Variants in PHF20 observed in about 807,000 individuals in gnomAD.
PHF20 encodes PHD finger protein 20.
Under a neutral mutation model 113.5 loss-of-function variants are expected in PHF20, and 23 were observed. That is an observed-to-expected ratio of 0.20 (90% CI 0.15 to 0.29). The LOEUF is 0.29. Among genes scored for constraint, PHF20 ranks in the 10% least tolerant of loss-of-function variants. PHF20 has a pLI of 1.00. For synonymous variants in PHF20, 434 were observed against 457.3 expected, an observed-to-expected ratio of 0.95 and a Z score of 0.65; for missense variants, 943 against 1,219.6, an observed-to-expected ratio of 0.77 and a Z score of 3.38.
chr20:35,857,938 A>C (rs2042868968), intron 4 of PHF20, among the ~76,000 whole-genome samples: 1 of 152,210 alleles, frequency 6.6e-6, no homozygotes, highest in Non-Finnish European at 1.5e-5. Flanking sequence ...ATTAAATTAT[A>C]AAAGTGAAAA....
At chr20:35,785,657 T>G (rs574362019) in intron 1 of PHF20, among the ~76,000 whole-genome samples, 6 of 152,182 alleles carry the variant, frequency 3.9e-5, no homozygotes, top group African/African-American at 1.4e-4. Context: ...ATAAATATCT[T>G]AGGTATTTAA....
chr20:35,824,895 C>A (rs766761962), intron 2 of PHF20, among the ~76,000 whole-genome samples: 2 of 152,188 alleles, frequency 1.3e-5, no homozygotes, highest in African/African-American at 2.4e-5. Context: ...ATGCTATTTT[C>A]AAGGTTCATC....
chr20:35,854,556 T>A (rs2042795276), intron 4 of PHF20, among the ~76,000 whole-genome samples: 3 of 152,196 alleles, frequency 2.0e-5, no homozygotes, highest in Admixed American at 1.3e-4. Context: ...CTGTTGTCCA[T>A]TATTCTGTCT....
Position 35,894,390 on chromosome 20 carries a change from T to C in PHF20, c.1283-4980T>C, listed in dbSNP as rs556831418. On this transcript the variant is annotated intron_variant, in intron 9 of 17. Coordinates refer to ENST00000374012, the MANE Select transcript of PHF20 (RefSeq NM_016436.5). ...TTCTCCAAATCTTTGAAATAGGTGG[T>C]ATTCTTCCCTTAAGAATCTGGATAA... 3.9e-5 allele frequency among the ~76,000 whole-genome samples: 6 copies of C among 152,378 alleles called. No individual in the cohort carries two copies. The East Asian group carries it at 1.2e-3, about 29-fold the overall frequency.
rs2055052916 is a variant in PHF20 at position 35,899,459 on chromosome 20, G to C, written c.1372G>C (p.Asp458His). 1 of 1,614,142 alleles carries C rather than the reference G, an allele frequency of 6.2e-7. No homozygotes were observed. Among genetic ancestry groups the C allele is most frequent in the Non-Finnish European group, 8.5e-7 (1 of 1,179,996 alleles). ...CCATAAGTTTAGATGCAAAGTTGTG[G>C]ACTGTTTAAAATTTTTCCGCAAAGC... ...LDHKFRCKVVDCLKFFRKAKL... is the reference protein window; with the variant it reads ...LDHKFRCKVVHCLKFFRKAKL... The change falls in exon 10 of 18, where the codon GAC (aspartate) becomes CAC (histidine). Residue 458 changes from aspartate to histidine, a missense_variant. Physicochemically the swap from Asp to His is moderately conservative, Grantham distance 81 (BLOSUM62 -1). Around this residue, in one of 3 missense-constraint regions of PHF20, gnomAD observed 592 missense variants for 787.2 expected, o/e 0.75. Coordinates refer to ENST00000374012, the MANE Select transcript of PHF20 (RefSeq NM_016436.5).
At chr20:35,835,290 G>T (rs1456538776) in intron 2 of PHF20, among the ~76,000 whole-genome samples, 1 of 151,902 alleles carries the variant, frequency 6.6e-6, no homozygotes, top group Admixed American at 6.6e-5. Context: ...AAAAGAAGAG[G>T]TAGGAAACTT....
chr20:35,867,065 A>G (rs2054331948), intron 6 of PHF20, among the ~76,000 whole-genome samples: 1 of 152,186 alleles, frequency 6.6e-6, no homozygotes, highest in Non-Finnish European at 1.5e-5. Flanking sequence ...CAAGTTCTGT[A>G]CAGTCAGCTC....
At chr20:35,938,658 G>A (rs1568799601) in intron 15 of PHF20, 39 bp from the exon 16 acceptor site, 2 of 1,547,752 alleles carry the variant, frequency 1.3e-6, no homozygotes, top group African/African-American at 2.7e-5. Context: ...AATGGTGCCA[G>A]TTACTCCAAA....
At chr20:35,867,585 A>G (rs1174940048) in intron 6 of PHF20, among the ~76,000 whole-genome samples, 2 of 152,030 alleles carry the variant, frequency 1.3e-5, no homozygotes. Flanking sequence ...TTTAACTTGG[A>G]ATGTGTGGGA....
chr20:35,891,742 GTC>G (rs1283579668), intron 9 of PHF20, among the ~76,000 whole-genome samples: 2 of 152,144 alleles, frequency 1.3e-5, no homozygotes, highest in Non-Finnish European at 2.9e-5. Flanking sequence ...AATTTTTCAT[GTC>G]TCTAAATATT....
At chr20:35,869,752 G>T (rs1302528765) in intron 7 of PHF20, among the ~76,000 whole-genome samples, 1 of 152,190 alleles carries the variant, frequency 6.6e-6, no homozygotes, top group Non-Finnish European at 1.5e-5. Context: ...CTGTACTAAT[G>T]TTGGGTTCTG....
chr20:35,845,489 C>T, intron 3 of PHF20: 1 of 252,186 alleles, frequency 4.0e-6, no homozygotes, highest in Non-Finnish European at 8.5e-6. Flanking sequence ...CCTCAGCCTC[C>T]TGAGTACCTG....
chr20:35,940,817 C>A, intron 16 of PHF20, 47 bp from the exon 17 acceptor site: 2 of 1,512,486 alleles, frequency 1.3e-6, no homozygotes, highest in Non-Finnish European at 1.8e-6. Flanking sequence ...GAAAAATGGG[C>A]CAGGGGCTAT....
intron 17 of PHF20, among the ~76,000 whole-genome samples, chr20:35,943,119 A>G (rs2056018565): frequency 1.3e-5 from 2 of 152,280 alleles, no homozygotes; most frequent in Admixed American, 1.3e-4. Context: ...CACCGTACCC[A>G]GCCCTAAACT....
At chr20:35,945,105 T>C (rs1016359479) in intron 17 of PHF20, among the ~76,000 whole-genome samples, 1 of 152,184 alleles carries the variant, frequency 6.6e-6, no homozygotes, top group Non-Finnish European at 1.5e-5. Flanking sequence ...GGGTTCCTCC[T>C]TCTTGGAACC....
intron 10 of PHF20, among the ~76,000 whole-genome samples, chr20:35,912,109 T>A (rs1371868013): frequency 6.6e-6 from 1 of 151,964 alleles, no homozygotes; most frequent in Non-Finnish European, 1.5e-5. Context: ...GCCTCCTGAG[T>A]AGCTGGGATT....
intron 1 of PHF20, 142 bp downstream of exon 1, chr20:35,772,221 C>A (rs2041071247): frequency 6.6e-6 from 1 of 151,640 alleles, no homozygotes; most frequent in East Asian, 1.9e-4. Context: ...CGCCTGGCCC[C>A]GCTCGCCCAG....
intron 2 of PHF20, among the ~76,000 whole-genome samples, chr20:35,813,911 G>GTGAGCCAAGATCACACCATTGC: frequency 8.3e-6 from 1 of 120,790 alleles, no homozygotes; most frequent in Admixed American, 9.8e-5. Context: ...CAGCCTGGGT[G>GTGAGCCAAGATCACACCATTGC]ACAGAGTGAG....
chr20:35,937,953 G>A (rs1017824774), intron 15 of PHF20, among the ~76,000 whole-genome samples: 1 of 151,972 alleles, frequency 6.6e-6, no homozygotes, highest in Admixed American at 6.6e-5. Flanking sequence ...CTCACTGCAA[G>A]CTCTGCCTCC....
Sources: allele counts gnomAD v4.1 joint callset (sites outside exome capture counted in the v4.1 genomes callset), GRCh38; gene constraint gnomAD v4.1.1; regional missense constraint gnomAD v4.1.1; transcripts MANE v1.5; gene names NCBI Gene and HGNC (gene_info 2026-07-23, HGNC 2026-07-21).